The following XKR6 variants were observed in gnomAD, a reference collection of about 807,000 sequenced individuals.
XKR6 encodes the protein XK related 6.
XKR6 carries 22 observed loss-of-function variants against 56.7 expected under a neutral mutation model. That is an observed-to-expected ratio of 0.39 (90% confidence interval 0.28 to 0.55). The LOEUF is 0.55. XKR6 is among the 20% of genes least tolerant of loss of function. The pLI is 0.66. For synonymous variants in XKR6, 524 were observed against 387.8 expected, an observed-to-expected ratio of 1.35 and a Z score of -4.13; for missense variants, 852 against 889.0, an observed-to-expected ratio of 0.96 and a Z score of 0.53.
intron 1 of XKR6, among the ~76,000 whole-genome samples, chr8:10,965,977 T>A (rs1019352499): frequency 1.3e-5 from 2 of 152,176 alleles, no homozygotes; most frequent in African/African-American, 4.8e-5. Context: ...CCTTCCAGCC[T>A]GGGCTGAGAA....
intron 1 of XKR6, among the ~76,000 whole-genome samples, chr8:11,022,155 C>G (rs559986896): frequency 2.0e-5 from 3 of 149,566 alleles, no homozygotes; most frequent in Admixed American, 6.7e-5. Flanking sequence ...GAAAGGGGCC[C>G]TCTCTTAAAG....
intron 1 of XKR6, among the ~76,000 whole-genome samples, chr8:11,075,781 G>A (rs1225281150): frequency 2.0e-5 from 3 of 152,112 alleles, no homozygotes; most frequent in Non-Finnish European, 4.4e-5. Flanking sequence ...GCTGAGGCAG[G>A]AGAATCACTT....
At chr8:10,965,558 C>T (rs930464177) in intron 1 of XKR6, among the ~76,000 whole-genome samples, 1 of 152,210 alleles carries the variant, frequency 6.6e-6, no homozygotes, top group Non-Finnish European at 1.5e-5. Flanking sequence ...TGCTAAGGCA[C>T]GCAGGGGGCC....
At chr8:11,171,610 G>A (rs1021199191) in intron 1 of XKR6, among the ~76,000 whole-genome samples, 2 of 152,174 alleles carry the variant, frequency 1.3e-5, no homozygotes, top group Admixed American at 6.5e-5. Context: ...TTTCCTTCTT[G>A]CCGTGTGATC....
rs975642074 is a variant in XKR6, at chr8:11,093,649, G to T, written c.764+106927C>A. On this transcript the variant is annotated intron_variant, in intron 1 of 2. Coordinates refer to ENST00000416569, the MANE Select transcript of XKR6 (RefSeq NM_173683.4). ...TATTTTATACTTAAATATTGGAAAAGGATATAAAAACTAGTGAATAACTAC... is the reference window on the plus strand; with the variant it reads ...TATTTTATACTTAAATATTGGAAAATGATATAAAAACTAGTGAATAACTAC... Among the ~76,000 whole-genome samples, 3 of 112,850 alleles carry T rather than the reference G, an allele frequency of 2.7e-5. No homozygotes were observed. In the South Asian group the frequency reaches 7.5e-4, roughly 28 times the overall value. 74.0% of individuals were successfully genotyped at this position (112,850 alleles called of 152,430 possible). A position where few individuals can be genotyped will look rare whatever the true frequency, so the allele number is the denominator to read the frequency against.
At chr8:11,177,256 T>C (rs1419213406) in intron 1 of XKR6, among the ~76,000 whole-genome samples, 3 of 152,216 alleles carry the variant, frequency 2.0e-5, no homozygotes, top group Non-Finnish European at 4.4e-5. Flanking sequence ...AGCGAAGCTG[T>C]AGATTTGCCA....
intron 1 of XKR6, among the ~76,000 whole-genome samples, chr8:11,094,432 G>A (rs534287989): frequency 4.8e-4 from 73 of 150,886 alleles, no homozygotes; most frequent in African/African-American, 6.3e-4. Context: ...TCAAGTGATC[G>A]TCCCCCTTCA....
At chr8:10,969,236 G>A (rs962163450) in intron 1 of XKR6, among the ~76,000 whole-genome samples, 11 of 152,166 alleles carry the variant, frequency 7.2e-5, no homozygotes, top group Non-Finnish European at 1.3e-4. Flanking sequence ...CTCCAACTTA[G>A]ATGCATGGTT....
chr8:11,089,912 A>G (rs1798010047), intron 1 of XKR6, among the ~76,000 whole-genome samples: 2 of 152,294 alleles, frequency 1.3e-5, no homozygotes, highest in East Asian at 3.9e-4. Context: ...ACACATAAAC[A>G]TATATAATAG....
At chr8:11,192,740 C>G (rs375026825) in intron 1 of XKR6, among the ~76,000 whole-genome samples, 1 of 152,196 alleles carries the variant, frequency 6.6e-6, no homozygotes, top group Non-Finnish European at 1.5e-5. Flanking sequence ...CCTGGCCCAA[C>G]TCCCTGAGGC....
intron 1 of XKR6, among the ~76,000 whole-genome samples, chr8:10,925,384 G>A (rs1274136716): frequency 6.6e-6 from 1 of 152,170 alleles, no homozygotes; most frequent in African/African-American, 2.4e-5. Flanking sequence ...GGCTCAGAAA[G>A]GTCACCCCCA....
chr8:11,086,614 T>C (rs966686829), intron 1 of XKR6, among the ~76,000 whole-genome samples: 26 of 152,208 alleles, frequency 1.7e-4, no homozygotes, highest in African/African-American at 5.5e-4. Flanking sequence ...ATAAGTCAAG[T>C]TGCACACACT....
chr8:11,179,211 T>C (rs1485427253), intron 1 of XKR6, among the ~76,000 whole-genome samples: 16 of 152,160 alleles, frequency 1.1e-4, no homozygotes, highest in Admixed American at 9.2e-4. Context: ...CAAACGAGTA[T>C]AGTCACCCAA....
rs1165258720 is a variant in XKR6 at position 11,201,112 on chromosome 8, G to A, written c.228C>T (p.Ser76=). ...TGCGGCGCGGCTTCCTGCCCAGGAGGGAGCGCAGGCAGGCGGAGCGGCAGC... is the reference window on the plus strand; with the variant it reads ...TGCGGCGCGGCTTCCTGCCCAGGAGAGAGCGCAGGCAGGCGGAGCGGCAGC... ...YWGCRSACLR[S]LLGRKPRRSA... is the part of the protein sequence containing the mutation. Residue 76 remains serine (S), a synonymous_variant, in exon 1 of 3, where the codon TCC becomes TCT. Coordinates refer to ENST00000416569, the MANE Select transcript of XKR6 (RefSeq NM_173683.4). 24 of 1,507,536 alleles carry A rather than the reference G, an allele frequency of 1.6e-5. No individual in the cohort carries two copies. Among genetic ancestry groups the A allele is most frequent in the Admixed American group, 2.1e-5 (1 of 48,476 alleles). The allele number at this position is 1,507,536 out of a possible 1,614,324, so 93.4% of individuals were successfully genotyped here.
chr8:10,946,459 C>T (rs943887878), intron 1 of XKR6, among the ~76,000 whole-genome samples: 4 of 151,948 alleles, frequency 2.6e-5, no homozygotes, highest in Non-Finnish European at 4.4e-5. Flanking sequence ...TGTCCTTTTT[C>T]GGCCCATAGT....
intron 1 of XKR6, among the ~76,000 whole-genome samples, chr8:11,159,250 T>G (rs1801675179): frequency 6.6e-6 from 1 of 152,254 alleles, no homozygotes; most frequent in Admixed American, 6.5e-5. Flanking sequence ...CTAGAAAGCA[T>G]GTCATCAGAG....
At chr8:11,174,145 T>C (rs1319554416) in intron 1 of XKR6, among the ~76,000 whole-genome samples, 1 of 152,222 alleles carries the variant, frequency 6.6e-6, no homozygotes, top group African/African-American at 2.4e-5. Flanking sequence ...TGGCTAAGGC[T>C]CTGACAAAAC....
chr8:10,924,034 G>T (rs1027255974), intron 2 of XKR6, among the ~76,000 whole-genome samples: 1 of 152,170 alleles, frequency 6.6e-6, no homozygotes, highest in Non-Finnish European at 1.5e-5. Flanking sequence ...TACACTTTGG[G>T]ATGATCCTTC....
intron 1 of XKR6, among the ~76,000 whole-genome samples, chr8:11,051,298 G>A (rs1799541859): frequency 1.3e-5 from 2 of 151,836 alleles, no homozygotes; most frequent in African/African-American, 4.8e-5. Flanking sequence ...TCAGACCTCG[G>A]CAGCTGCCTG....
Sources: allele counts gnomAD v4.1 joint callset (sites outside exome capture counted in the v4.1 genomes callset), GRCh38; gene constraint gnomAD v4.1.1; transcripts MANE v1.5; gene names NCBI Gene and HGNC (gene_info 2026-07-23, HGNC 2026-07-21).